The following HDAC9 variants were observed in gnomAD, a reference collection of about 807,000 sequenced individuals.
The protein encoded by HDAC9 is histone deacetylase 9, also known as MEF-2 interacting transcription repressor (MITR) protein.
Under a neutral mutation model 139.4 loss-of-function variants are expected in HDAC9, and 41 were observed. That is an observed-to-expected ratio of 0.29 (90% CI 0.23 to 0.38). HDAC9 has a LOEUF of 0.38. Ranked by LOEUF, HDAC9 falls within the 10% of genes least tolerant of loss-of-function variation. The probability of loss-of-function intolerance (pLI) is 1.00; values close to 1 mark genes in which losing one functional copy is unlikely to be tolerated. For synonymous variants in HDAC9, 517 were observed against 476.2 expected (o/e 1.09, Z -1.12); for missense variants, 1,147 against 1,297.0 (o/e 0.88, Z 1.78).
intron 1 of HDAC9, among the ~76,000 whole-genome samples, chr7:18,126,248 A>C (rs1295807184): frequency 6.6e-6 from 1 of 152,200 alleles, no homozygotes; most frequent in Non-Finnish European, 1.5e-5. Flanking sequence ...ATTACTTTGT[A>C]AAAGATCCTT....
chr7:18,992,428 A>AAAAT, intron 25 of HDAC9, among the ~76,000 whole-genome samples: 1 of 152,228 alleles, frequency 6.6e-6, no homozygotes, highest in East Asian at 1.9e-4. Context: ...ACATAAAATA[A>AAAAT]AAATATATAC....
intron 1 of HDAC9, among the ~76,000 whole-genome samples, chr7:18,153,463 G>C (rs1373750595): frequency 6.6e-6 from 1 of 152,166 alleles, no homozygotes; most frequent in Non-Finnish European, 1.5e-5. Flanking sequence ...ACCAATCAGA[G>C]GCTGAAGTGA....
At position 18,254,240 on chromosome 7, in the gene HDAC9, ACT is replaced by A. The variant is rs572266642; in HGVS notation, c.25+91894_25+91895del. On this transcript the variant is annotated intron_variant, in intron 2 of 12. Transcript: ENST00000417496. The stretch of plus-strand genomic sequence containing the variant: ...TTCTAGTGGAAATGAAAGGCAAGTA[ACT>A]CTATTTCAAATCTTGGACTAAATGG... Among the ~76,000 whole-genome samples, 29 of 152,298 alleles carry A rather than the reference ACT, an allele frequency of 1.9e-4. No individual in the cohort carries two copies. In the South Asian group the frequency reaches 4.6e-3, roughly 24 times the overall value.
chr7:18,668,637 C>T, intron 12 of HDAC9: 1 of 983,428 alleles, frequency 1.0e-6, no homozygotes, highest in African/African-American at 1.7e-5. Flanking sequence ...CAAGAAACTA[C>T]CTGGAACCAG....
intron 1 of HDAC9, among the ~76,000 whole-genome samples, chr7:18,445,950 G>A (rs973779592): frequency 2.6e-5 from 4 of 152,194 alleles, no homozygotes; most frequent in African/African-American, 9.7e-5. Flanking sequence ...TGCGTGAGCT[G>A]CTGATGACAT....
At chr7:18,586,472 T>C (rs745333569) in intron 3 of HDAC9, among the ~76,000 whole-genome samples, 2 of 152,114 alleles carry the variant, frequency 1.3e-5, no homozygotes, top group African/African-American at 2.4e-5. Flanking sequence ...TCTCATACTT[T>C]ATTGTTTTGT....
upstream of HDAC9, among the ~76,000 whole-genome samples, chr7:18,286,267 T>C (rs936272831): frequency 6.6e-6 from 1 of 151,868 alleles, no homozygotes; most frequent in Non-Finnish European, 1.5e-5. Flanking sequence ...GTAATATCTC[T>C]AAAAATTGTA....
chr7:18,131,546 G>A (rs1313717468), intron 1 of HDAC9, among the ~76,000 whole-genome samples: 1 of 152,120 alleles, frequency 6.6e-6, no homozygotes, highest in Non-Finnish European at 1.5e-5. Context: ...TGCAGTAGGG[G>A]GTAGAGTGTA....
chr7:18,152,404 G>C (rs527645240), intron 1 of HDAC9, among the ~76,000 whole-genome samples: 1 of 152,124 alleles, frequency 6.6e-6, no homozygotes, highest in Admixed American at 6.5e-5. Flanking sequence ...TCCTTGTTCT[G>C]CTCTCTATAT....
chr7:18,283,182 C>G (rs302166), intron 2 of HDAC9, among the ~76,000 whole-genome samples: 16,658 of 152,088 alleles, frequency 0.11, 2,017 homozygotes, highest in African/African-American at 0.31. Context: ...ACTGGGAGGC[C>G]TCAGGAAACT....
intron 2 of HDAC9, among the ~76,000 whole-genome samples, chr7:18,197,403 G>C (rs753367706): frequency 6.6e-6 from 1 of 152,188 alleles, no homozygotes; most frequent in Non-Finnish European, 1.5e-5. Flanking sequence ...AATATATTTG[G>C]TTTTGATTTT....
chr7:18,848,800 A>C (rs553632722), intron 21 of HDAC9, among the ~76,000 whole-genome samples: 1 of 152,264 alleles, frequency 6.6e-6, no homozygotes, highest in East Asian at 1.9e-4. Context: ...TTTGCTAAAC[A>C]CTGGATACAA....
At chr7:18,632,869 A>G (rs1412517739) in intron 7 of HDAC9, among the ~76,000 whole-genome samples, 1 of 152,058 alleles carries the variant, frequency 6.6e-6, no homozygotes, top group Non-Finnish European at 1.5e-5. Flanking sequence ...AAAAGGGCCT[A>G]GTAACTAATT....
intron 1 of HDAC9, among the ~76,000 whole-genome samples, chr7:18,339,850 T>C (rs1170792065): frequency 6.6e-6 from 1 of 151,530 alleles, no homozygotes; most frequent in Non-Finnish European, 1.5e-5. Context: ...TCAATATGCA[T>C]TTGAAAAGAA....
chr7:18,620,892 T>G lies in HDAC9; in HGVS notation c.665-8458T>G, dbSNP rs75033154. 2.3e-3 allele frequency among the ~76,000 whole-genome samples: 353 copies of G among 152,306 alleles called. 5 individuals carry two copies. The highest frequency in any genetic ancestry group is 7.9e-3 in the African/African-American group (329 of 41,578). On this transcript the variant is annotated intron_variant, in intron 6 of 25. Coordinates refer to ENST00000686413, the MANE Select transcript of HDAC9 (RefSeq NM_178425.4). ...TTGTTGTTTCCATCTGTGATAAACG[T>G]TAAGAATTAAATTTCTATTTACATT...
intron 1 of HDAC9, among the ~76,000 whole-genome samples, chr7:18,379,933 A>C (rs1007116005): frequency 6.6e-6 from 1 of 152,138 alleles, no homozygotes; most frequent in African/African-American, 2.4e-5. Context: ...GCTGGCTCTT[A>C]CTCAAGAAAA....
At chr7:18,609,553 A>G (rs1240264325) in intron 6 of HDAC9, among the ~76,000 whole-genome samples, 1 of 152,174 alleles carries the variant, frequency 6.6e-6, no homozygotes, top group East Asian at 1.9e-4. Context: ...TAGTAAAAGC[A>G]TTCTAAGTCA....
chr7:18,423,590 C>G (rs1022573791), intron 1 of HDAC9, among the ~76,000 whole-genome samples: 1 of 152,142 alleles, frequency 6.6e-6, no homozygotes, highest in African/African-American at 2.4e-5. Flanking sequence ...CAGTATTTAC[C>G]AGAATGGTGG....
intron 2 of HDAC9, among the ~76,000 whole-genome samples, chr7:18,559,618 T>C (rs983954066): frequency 6.6e-6 from 1 of 152,168 alleles, no homozygotes; most frequent in Non-Finnish European, 1.5e-5. Context: ...CTTTTATACG[T>C]TGGAGTTTAA....
Sources: gnomAD v4.1 joint callset for allele counts (sites outside exome capture counted in the v4.1 genomes callset) on GRCh38, gnomAD v4.1.1 for gene constraint, MANE v1.5 for transcripts, NCBI Gene and HGNC (gene_info 2026-07-23, HGNC 2026-07-21) for gene names.